Variants in FER observed in about 807,000 individuals in gnomAD.
FER encodes tyrosine-protein kinase Fer.
Under a neutral mutation model 111.0 loss-of-function variants are expected in FER, and 63 were observed. The observed-to-expected ratio is 0.57, with a 90% CI of 0.46 to 0.70. FER has a LOEUF of 0.70. Among genes scored for constraint, FER ranks in the 30% least tolerant of loss-of-function variants. The pLI is 0.00. For missense variants in FER, 914 were observed against 954.0 expected (o/e 0.96, Z 0.55); for synonymous variants, 327 against 313.9 (o/e 1.04, Z -0.44).
chr5:109,092,284 C>CAAAAAAAAAAAAAAAAAAAAAAAAAAAAA (rs70999914), intron 16 of FER, among the ~76,000 whole-genome samples: 1 of 40,428 alleles, frequency 2.5e-5, no homozygotes, highest in African/African-American at 7.8e-5. Flanking sequence ...CTTATGATGG[C>CAAAAAAAAAAAAAAAAAAAAAAAAAAAAA]AAAAAAAAAA....
intron 10 of FER, among the ~76,000 whole-genome samples, chr5:108,912,311 C>A (rs1435338067): frequency 2.0e-5 from 3 of 152,140 alleles, no homozygotes; most frequent in Non-Finnish European, 4.4e-5. Flanking sequence ...CAACAAATTT[C>A]TTTAAGTGAC....
At chr5:108,956,038 C>G (rs1758380796) in intron 12 of FER, among the ~76,000 whole-genome samples, 2 of 151,718 alleles carry the variant, frequency 1.3e-5, no homozygotes, top group African/African-American at 4.8e-5. Flanking sequence ...AGTATTTCCA[C>G]TATCATAATG....
intron 11 of FER, among the ~76,000 whole-genome samples, chr5:108,953,885 A>AT (rs1237586858): frequency 6.6e-5 from 10 of 152,130 alleles, no homozygotes; most frequent in African/African-American, 1.9e-4. Context: ...CCTGTGTGCC[A>AT]TAAAAACAAC....
chr5:108,994,412 A>G (rs1251993871), intron 13 of FER, among the ~76,000 whole-genome samples: 13 of 152,152 alleles, frequency 8.5e-5, no homozygotes, highest in Non-Finnish European at 1.8e-4. Context: ...CGAAGATCAG[A>G]TGGTTGTAGA....
At chr5:108,894,278 T>G in intron 9 of FER, 13 of 522,946 alleles carry the variant, frequency 2.5e-5, no homozygotes, top group Non-Finnish European at 3.4e-5. Context: ...GTATTGGGCA[T>G]TAGGGGTTCA....
At chr5:109,063,327 C>G (rs1411429173) in intron 16 of FER, among the ~76,000 whole-genome samples, 1 of 152,124 alleles carries the variant, frequency 6.6e-6, no homozygotes, top group Non-Finnish European at 1.5e-5. Context: ...AGTTATGTGA[C>G]TTCACAGCTC....
At chr5:108,928,234 C>T (rs528115472) in intron 10 of FER, among the ~76,000 whole-genome samples, 1 of 152,172 alleles carries the variant, frequency 6.6e-6, no homozygotes, top group African/African-American at 2.4e-5. Flanking sequence ...TTAGATGTTA[C>T]GGTGGATTTT....
intron 15 of FER, 129 bp downstream of exon 15, chr5:109,044,924 C>T: frequency 2.0e-6 from 1 of 500,344 alleles, no homozygotes; most frequent in East Asian, 3.4e-5. Context: ...GTATGGAATC[C>T]AAAAATTTGT....
intron 16 of FER, among the ~76,000 whole-genome samples, chr5:109,070,839 T>C (rs931108623): frequency 6.6e-6 from 1 of 152,030 alleles, no homozygotes; most frequent in Non-Finnish European, 1.5e-5. Context: ...GGCAATTTGA[T>C]TATAATTAAT....
intron 13 of FER, among the ~76,000 whole-genome samples, chr5:109,031,428 T>C (rs1252232996): frequency 1.3e-5 from 2 of 152,280 alleles, no homozygotes; most frequent in Non-Finnish European, 2.9e-5. Context: ...ATTTTAATTG[T>C]TTGTTTGGAT....
At chr5:108,813,246 T>G (rs1427584757) in intron 3 of FER, among the ~76,000 whole-genome samples, 1 of 152,190 alleles carries the variant, frequency 6.6e-6, no homozygotes, top group Non-Finnish European at 1.5e-5. Context: ...ATTATCATCT[T>G]ACTTGTGTTG....
intron 16 of FER, among the ~76,000 whole-genome samples, chr5:109,089,883 C>T (rs1056293072): frequency 2.6e-5 from 4 of 152,194 alleles, no homozygotes; most frequent in Non-Finnish European, 4.4e-5. Context: ...ATGCCTGAAT[C>T]CATTGAAAAC....
chr5:108,947,933 G>A (rs914702543), intron 11 of FER, among the ~76,000 whole-genome samples: 1 of 151,392 alleles, frequency 6.6e-6, no homozygotes, highest in Non-Finnish European at 1.5e-5. Flanking sequence ...TATTACCCAG[G>A]CTGGTGTTGA....
At chr5:109,138,720 G>A (rs1006078059) in intron 17 of FER, among the ~76,000 whole-genome samples, 3 of 152,060 alleles carry the variant, frequency 2.0e-5, no homozygotes, top group Non-Finnish European at 4.4e-5. Context: ...ACAGATTGAG[G>A]GCTGTGAAGT....
At chr5:108,906,144 G>T (rs1159093228) in intron 10 of FER, among the ~76,000 whole-genome samples, 1 of 152,156 alleles carries the variant, frequency 6.6e-6, no homozygotes, top group Non-Finnish European at 1.5e-5. Flanking sequence ...TCTTGGGTTT[G>T]TTGCAGGAAT....
chr5:108,901,464 G>A (rs1038239381), intron 10 of FER, among the ~76,000 whole-genome samples: 84 of 152,188 alleles, frequency 5.5e-4, no homozygotes, highest in African/African-American at 2.0e-3. Context: ...AGGTGATTAT[G>A]GCATAATAGG....
At chr5:109,000,978 C>T (rs868525599) in intron 13 of FER, among the ~76,000 whole-genome samples, 13 of 152,100 alleles carry the variant, frequency 8.5e-5, no homozygotes, top group Non-Finnish European at 1.5e-4. Context: ...TCTGAATAGA[C>T]CAATAACAGG....
At chr5:108,838,530 T>C (rs1185298023) in intron 5 of FER, among the ~76,000 whole-genome samples, 1 of 152,176 alleles carries the variant, frequency 6.6e-6, no homozygotes, top group Non-Finnish European at 1.5e-5. Flanking sequence ...TTCCTATAAC[T>C]GGGAGTTCAG....
intron 8 of FER, among the ~76,000 whole-genome samples, chr5:108,878,164 C>A (rs1384650643): frequency 6.6e-6 from 1 of 152,090 alleles, no homozygotes; most frequent in East Asian, 1.9e-4. Context: ...GCCGCAGCCT[C>A]CCAAAGTGCT....
Sources: gnomAD v4.1 joint callset for allele counts (sites outside exome capture counted in the v4.1 genomes callset) on GRCh38, gnomAD v4.1.1 for gene constraint, MANE v1.5 for transcripts, NCBI Gene and HGNC (gene_info 2026-07-23, HGNC 2026-07-21) for gene names.